Variants in CELF2 observed in about 807,000 individuals in gnomAD.
The protein encoded by CELF2 is CUGBP Elav-like family member 2, also known as CUG triplet repeat RNA-binding protein 2.
Under a neutral mutation model 62.6 loss-of-function variants are expected in CELF2, and 8 were observed. The observed-to-expected ratio is 0.13, with a 90% CI of 0.07 to 0.23. The LOEUF is 0.23. CELF2 is among the 10% of genes least tolerant of loss of function. The probability of loss-of-function intolerance (pLI) is 1.00; values close to 1 mark genes in which losing one functional copy is unlikely to be tolerated. For missense variants in CELF2, 333 were observed against 671.0 expected, an observed-to-expected ratio of 0.50 and a Z score of 5.56; for synonymous variants, 258 against 250.0, an observed-to-expected ratio of 1.03 and a Z score of -0.30.
At chr10:10,898,883 T>G (rs902544680) in intron 1 of CELF2, among the ~76,000 whole-genome samples, 8 of 152,216 alleles carry the variant, frequency 5.3e-5, no homozygotes, top group Admixed American at 3.9e-4. Flanking sequence ...TCAATGAATT[T>G]AAAAATATTC....
chr10:11,083,917 C>T (rs1291803), intron 1 of CELF2, among the ~76,000 whole-genome samples: 48,318 of 151,996 alleles, frequency 0.32, 8,288 homozygotes, highest in African/African-American at 0.41. Flanking sequence ...CTCTGTGCTT[C>T]CCGTTGCCAG....
At chr10:10,573,218 A>G in the CELF2 span, among the ~76,000 whole-genome samples, 3 of 152,010 alleles carry the variant, frequency 2.0e-5, no homozygotes, top group African/African-American at 7.3e-5. Flanking sequence ...ATTTCTTGTA[A>G]CTTTGTTTAA....
chr10:10,860,925 T>TATA (rs990633934), intron 1 of CELF2, among the ~76,000 whole-genome samples: 2 of 151,760 alleles, frequency 1.3e-5, no homozygotes, highest in African/African-American at 4.9e-5. Flanking sequence ...CATATTCTTT[T>TATA]TTTATATATA....
At chr10:10,927,727 C>T (rs2065670629) in intron 2 of CELF2, among the ~76,000 whole-genome samples, 1 of 152,094 alleles carries the variant, frequency 6.6e-6, no homozygotes, top group African/African-American at 2.4e-5. Context: ...CCATGCCCAA[C>T]CTAAAATTTA....
In CELF2 at chr10:11,199,885, C is replaced by T. The variant is rs148937596; in HGVS notation, c.272-17540C>T. On this transcript the variant is annotated intron_variant, in intron 2 of 12. Coordinates refer to ENST00000633077, the MANE Select transcript of CELF2 (RefSeq NM_001326342.2). The stretch of plus-strand genomic sequence containing the variant: ...AAGCTAGAGGTAACCTGGAAGTGTC[C>T]TAATTGGATGGCCTGAATTTCTCAC... Among the ~76,000 whole-genome samples the T allele has an allele frequency of 4.9e-3, 746 of 152,204 alleles. 6 individuals are homozygous for T. Among genetic ancestry groups the T allele is most frequent in the Middle Eastern group, 0.014 (4 of 294 alleles).
intron 2 of CELF2, among the ~76,000 whole-genome samples, chr10:10,930,710 A>C (rs2065970799): frequency 6.6e-6 from 1 of 152,212 alleles, no homozygotes; most frequent in South Asian, 2.1e-4. Flanking sequence ...GCTATGTAAA[A>C]GTTGCTCGTC....
At chr10:11,289,297 A>G (rs1031473491) in intron 9 of CELF2, among the ~76,000 whole-genome samples, 2 of 152,178 alleles carry the variant, frequency 1.3e-5, no homozygotes, top group African/African-American at 4.8e-5. Context: ...TGGCCTGGAC[A>G]GTTTCCAAGC....
At chr10:10,720,694 C>T in the CELF2 span, among the ~76,000 whole-genome samples, 2 of 152,154 alleles carry the variant, frequency 1.3e-5, no homozygotes, top group Non-Finnish European at 2.9e-5. Context: ...TTTAGGTCTG[C>T]CTATTTAAAC....
At chr10:10,506,868 T>A in the CELF2 span, among the ~76,000 whole-genome samples, 1 of 151,760 alleles carries the variant, frequency 6.6e-6, no homozygotes, top group African/African-American at 2.4e-5. Context: ...ATTCCCCATG[T>A]TGGCCAGGCT....
chr10:10,478,038 T>C, the CELF2 span, among the ~76,000 whole-genome samples: 1 of 152,200 alleles, frequency 6.6e-6, no homozygotes, highest in African/African-American at 2.4e-5. Context: ...TTGACAAGCA[T>C]CAGTTAAAAA....
the CELF2 span, among the ~76,000 whole-genome samples, chr10:10,595,823 G>A: frequency 6.6e-6 from 1 of 152,266 alleles, no homozygotes; most frequent in South Asian, 2.1e-4. Context: ...TTGAGCCCAG[G>A]GGGTGGAGGT....
upstream of CELF2, among the ~76,000 whole-genome samples, chr10:11,014,396 C>A (rs935040650): frequency 6.6e-6 from 1 of 152,122 alleles, no homozygotes; most frequent in Non-Finnish European, 1.5e-5. Flanking sequence ...GTTGTCTGCA[C>A]GAGCAGAAAA....
At chr10:10,575,339 GT>G in the CELF2 span, among the ~76,000 whole-genome samples, 11 of 152,226 alleles carry the variant, frequency 7.2e-5, no homozygotes, top group African/African-American at 2.2e-4. Context: ...GGTTATACCT[GT>G]TTTCCTTTAT....
chr10:10,514,072 A>C, the CELF2 span, among the ~76,000 whole-genome samples: 2 of 152,200 alleles, frequency 1.3e-5, no homozygotes, highest in Admixed American at 1.3e-4. Flanking sequence ...CTCTGGGTAG[A>C]TTGCTGACAG....
chr10:10,522,150 C>A, the CELF2 span, among the ~76,000 whole-genome samples: 10 of 152,292 alleles, frequency 6.6e-5, no homozygotes, highest in South Asian at 2.1e-3. Flanking sequence ...TTCTTGGAGC[C>A]AAAATGGGAC....
intron 1 of CELF2, among the ~76,000 whole-genome samples, chr10:10,875,322 C>T (rs751868084): frequency 6.6e-6 from 1 of 152,158 alleles, no homozygotes; most frequent in Non-Finnish European, 1.5e-5. Flanking sequence ...TAAAAAACTG[C>T]ATTTGTTTAG....
intron 1 of CELF2, among the ~76,000 whole-genome samples, chr10:11,052,618 T>C (rs1321360080): frequency 3.3e-5 from 5 of 152,238 alleles, no homozygotes; most frequent in Admixed American, 2.0e-4. Context: ...CTTTACATCC[T>C]TCAATAGTTT....
In CELF2 at chr10:11,177,213, C is replaced by A. The variant is rs184760710; in HGVS notation, c.271+11531C>A. 1.3e-5 allele frequency among the ~76,000 whole-genome samples: 2 copies of A among 152,122 alleles called. No homozygotes were observed. Among genetic ancestry groups the A allele is most frequent in the African/African-American group, 4.8e-5 (2 of 41,404 alleles). On this transcript the variant is annotated intron_variant, in intron 2 of 12. Transcript: ENST00000633077. This position sits in a 1 kb window ranked among gnomAD's most constrained non-coding sequence, Gnocchi z 4.8. ...AAAAATTCACATTACTAAGGCATCCCCTACACAGAATGTTTAGTAGGGAGG... is the reference window on the plus strand; with the variant it reads ...AAAAATTCACATTACTAAGGCATCCACTACACAGAATGTTTAGTAGGGAGG...
intron 2 of CELF2, among the ~76,000 whole-genome samples, chr10:11,187,131 T>C (rs571411026): frequency 6.6e-6 from 1 of 152,340 alleles, no homozygotes; most frequent in East Asian, 1.9e-4. Context: ...CTATCAGTTA[T>C]TGAGAAAGGC....
Sources: gnomAD v4.1 joint callset for allele counts (sites outside exome capture counted in the v4.1 genomes callset) on GRCh38, gnomAD v4.1.1 for gene constraint, Gnocchi (gnomAD v3.1) non-coding constraint, MANE v1.5 for transcripts, NCBI Gene and HGNC (gene_info 2026-07-23, HGNC 2026-07-21) for gene names.